The following HPSE2 variants were observed in gnomAD, a reference collection of about 807,000 sequenced individuals.
HPSE2 encodes the protein heparanase 2 (inactive), also known as inactive heparanase-2.
A neutral mutation model predicts 60.5 loss-of-function variants in HPSE2; 38 were observed. That is an observed-to-expected ratio of 0.63 (90% CI 0.48 to 0.82). The LOEUF is 0.82. Among genes scored for constraint, HPSE2 ranks in the 40% least tolerant of loss-of-function variants. The pLI is 0.00. For missense variants in HPSE2, 713 were observed against 740.4 expected (o/e 0.96, Z 0.43); for synonymous variants, 295 against 293.2 (o/e 1.01, Z -0.06).
chr10:99,189,906 T>C (rs560677977), intron 2 of HPSE2, among the ~76,000 whole-genome samples: 16 of 152,324 alleles, frequency 1.1e-4, no homozygotes, highest in Admixed American at 9.8e-4. Flanking sequence ...TGTTCTTTAG[T>C]CAGAGAGGGC....
chr10:99,020,749 G>A (rs542088226), intron 3 of HPSE2, among the ~76,000 whole-genome samples: 2 of 152,222 alleles, frequency 1.3e-5, no homozygotes, highest in East Asian at 3.9e-4. Flanking sequence ...TGTCCACCTA[G>A]CCTTTCATGA....
intron 7 of HPSE2, among the ~76,000 whole-genome samples, chr10:98,634,160 A>C (rs1239327450): frequency 6.6e-6 from 1 of 152,210 alleles, no homozygotes; most frequent in Non-Finnish European, 1.5e-5. Flanking sequence ...TGAACAGCAA[A>C]GACAGCACAT....
At chr10:98,994,113 A>G (rs1424816591) in intron 3 of HPSE2, among the ~76,000 whole-genome samples, 1 of 152,108 alleles carries the variant, frequency 6.6e-6, no homozygotes, top group Non-Finnish European at 1.5e-5. Flanking sequence ...TTAATTCACC[A>G]TTTTCTTGCC....
At chr10:98,669,213 T>C (rs535336682) in intron 6 of HPSE2, among the ~76,000 whole-genome samples, 3 of 152,222 alleles carry the variant, frequency 2.0e-5, no homozygotes, top group Non-Finnish European at 2.9e-5. Context: ...AGAATGGTGA[T>C]TATTAAAAAG....
intron 3 of HPSE2, among the ~76,000 whole-genome samples, chr10:98,885,728 C>T (rs1031845999): frequency 1.3e-5 from 2 of 151,970 alleles, no homozygotes; most frequent in African/African-American, 4.8e-5. Flanking sequence ...GACATAATGC[C>T]ATTTCATACT....
chr10:99,088,212 T>C (rs1843391348), intron 3 of HPSE2, among the ~76,000 whole-genome samples: 1 of 152,100 alleles, frequency 6.6e-6, no homozygotes, highest in African/African-American at 2.4e-5. Context: ...ACTTTATTTA[T>C]TTATTTATTT....
rs80216781 is a variant in HPSE2 at position 99,024,372 on chromosome 10, C to T, written c.610+119866G>A. ...GTTATAAAATCGTATTTGCAACCCT[C>T]GGGGTATCCTCAAACCAAAAAACAT... On this transcript the variant is annotated intron_variant, in intron 3 of 11. Coordinates refer to ENST00000370552, the MANE Select transcript of HPSE2 (RefSeq NM_021828.5). Among the ~76,000 whole-genome samples the T allele has an allele frequency of 3.1e-3, 472 of 152,182 alleles. 3 individuals carry two copies. The highest frequency in any genetic ancestry group is 0.011 in the African/African-American group (447 of 41,530).
intron 9 of HPSE2, among the ~76,000 whole-genome samples, chr10:98,576,295 G>T (rs1944638264): frequency 6.6e-6 from 1 of 152,032 alleles, no homozygotes; most frequent in Non-Finnish European, 1.5e-5. Context: ...GTAGGCTGGG[G>T]AGGGGAGGGG....
chr10:98,473,706 A>C (rs1336202141), intron 11 of HPSE2, among the ~76,000 whole-genome samples: 2 of 152,082 alleles, frequency 1.3e-5, no homozygotes, highest in Non-Finnish European at 2.9e-5. Flanking sequence ...GATATATAGA[A>C]AAATTGATAA....
intron 4 of HPSE2, among the ~76,000 whole-genome samples, chr10:98,736,760 G>C (rs1949367843): frequency 1.3e-5 from 2 of 152,078 alleles, no homozygotes. Flanking sequence ...CTAAACTCCT[G>C]GAGACTAGAA....
chr10:98,867,471 G>C (rs1952618139), intron 3 of HPSE2, among the ~76,000 whole-genome samples: 1 of 152,034 alleles, frequency 6.6e-6, no homozygotes, highest in African/African-American at 2.4e-5. Context: ...AGTCAAAATG[G>C]CTTTTATACA....
chr10:98,461,566 T>G (rs1174615706), intron 11 of HPSE2, among the ~76,000 whole-genome samples: 1 of 152,178 alleles, frequency 6.6e-6, no homozygotes, highest in African/African-American at 2.4e-5. Context: ...CCCAGATGGG[T>G]CTTCACAGTG....
intron 9 of HPSE2, among the ~76,000 whole-genome samples, chr10:98,536,436 TGAACAAA>T (rs1367239936): frequency 6.6e-6 from 1 of 152,144 alleles, no homozygotes; most frequent in Non-Finnish European, 1.5e-5. Context: ...CACTTCAATG[TGAACAAA>T]GAATCCTGAT....
At chr10:98,957,464 G>C (rs1955538431) in intron 3 of HPSE2, among the ~76,000 whole-genome samples, 2 of 152,128 alleles carry the variant, frequency 1.3e-5, no homozygotes, top group Non-Finnish European at 2.9e-5. Context: ...TGGCATATTA[G>C]ACTTAATAAT....
intron 9 of HPSE2, among the ~76,000 whole-genome samples, chr10:98,599,364 T>A (rs1945335073): frequency 6.6e-6 from 1 of 152,086 alleles, no homozygotes; most frequent in African/African-American, 2.4e-5. Context: ...GCAGGGGTGG[T>A]TTGGATACTG....
the HPSE2 span, among the ~76,000 whole-genome samples, chr10:99,271,007 T>C: frequency 1.3e-5 from 2 of 152,210 alleles, no homozygotes; most frequent in Non-Finnish European, 1.5e-5. Flanking sequence ...AAGTCATCTA[T>C]GACAGGCCCA....
At chr10:98,988,084 G>A (rs1199915741) in intron 3 of HPSE2, among the ~76,000 whole-genome samples, 2 of 152,230 alleles carry the variant, frequency 1.3e-5, no homozygotes, top group Non-Finnish European at 2.9e-5. Flanking sequence ...GTAATTTATA[G>A]ATTCAATGCC....
intron 3 of HPSE2, among the ~76,000 whole-genome samples, chr10:99,035,883 T>C (rs1489724108): frequency 1.3e-5 from 2 of 152,192 alleles, no homozygotes; most frequent in African/African-American, 4.8e-5. Context: ...CCAGCAGCAA[T>C]AAGCACATTT....
At chr10:98,651,927 A>G (rs1946928102) in intron 6 of HPSE2, among the ~76,000 whole-genome samples, 1 of 151,944 alleles carries the variant, frequency 6.6e-6, no homozygotes, top group African/African-American at 2.4e-5. Context: ...ACCTGCAACC[A>G]TGCCTGGCCG....
Sources: gnomAD v4.1 joint callset for allele counts (sites outside exome capture counted in the v4.1 genomes callset) on GRCh38, gnomAD v4.1.1 for gene constraint, MANE v1.5 for transcripts, NCBI Gene and HGNC (gene_info 2026-07-23, HGNC 2026-07-21) for gene names.